FILIP1L: variants seen among roughly 807,000 people sequenced by gnomAD.
FILIP1L encodes the protein filamin A-interacting protein 1-like.
A neutral mutation model predicts 96.6 loss-of-function variants in FILIP1L; 55 were observed. That is an observed-to-expected ratio of 0.57 (90% CI 0.46 to 0.71). The LOEUF (loss-of-function observed/expected upper bound fraction) is 0.71. FILIP1L is among the 30% of genes least tolerant of loss of function. The pLI is 0.00. For missense variants in FILIP1L, 1,304 were observed against 1,321.2 expected (o/e 0.99, Z 0.20); for synonymous variants, 467 against 473.9 (o/e 0.99, Z 0.19).
chr3:100,006,914 GATAAA>G (rs1208971158), intron 1 of FILIP1L, among the ~76,000 whole-genome samples: 2 of 152,166 alleles, frequency 1.3e-5, no homozygotes, highest in Admixed American at 1.3e-4. Flanking sequence ...CATTGAGAAG[GATAAA>G]AAATAACTTG....
At chr3:99,973,604 A>C (rs376404602) in intron 1 of FILIP1L, among the ~76,000 whole-genome samples, 6 of 152,216 alleles carry the variant, frequency 3.9e-5, no homozygotes, top group East Asian at 1.9e-4. Flanking sequence ...ATCTTATAGA[A>C]TTTATACTCA....
chr3:99,899,534 G>C (rs1576557732), intron 4 of FILIP1L, among the ~76,000 whole-genome samples: 1 of 152,288 alleles, frequency 6.6e-6, no homozygotes, highest in Admixed American at 6.5e-5. Flanking sequence ...AGATCTAAAT[G>C]GTAGCTGTTG....
At chr3:99,969,026 T>C (rs1224281655) in intron 1 of FILIP1L, among the ~76,000 whole-genome samples, 1 of 151,656 alleles carries the variant, frequency 6.6e-6, no homozygotes, top group Non-Finnish European at 1.5e-5. Context: ...GAGGAAAGAG[T>C]AAATAGGCAC....
At chr3:100,078,853 T>C (rs1178823458) in intron 1 of FILIP1L, among the ~76,000 whole-genome samples, 3 of 151,960 alleles carry the variant, frequency 2.0e-5, no homozygotes, top group African/African-American at 7.3e-5. Context: ...ATCACACCAC[T>C]GCACTCCAGC....
At chr3:99,887,719 C>T (rs1313346510) in intron 4 of FILIP1L, among the ~76,000 whole-genome samples, 1 of 152,122 alleles carries the variant, frequency 6.6e-6, no homozygotes, top group East Asian at 1.9e-4. Context: ...CCCAGATATA[C>T]ATATAATATA....
intron 1 of FILIP1L, among the ~76,000 whole-genome samples, chr3:100,104,655 T>C (rs1158145166): frequency 6.6e-6 from 1 of 152,162 alleles, no homozygotes; most frequent in African/African-American, 2.4e-5. Context: ...GAGGGCCTTT[T>C]CCTGTTTTGC....
chr3:99,856,077 C>A (rs1003258139), intron 4 of FILIP1L, among the ~76,000 whole-genome samples: 2 of 152,058 alleles, frequency 1.3e-5, no homozygotes, highest in Non-Finnish European at 2.9e-5. Flanking sequence ...TGGTTCTGAA[C>A]CTGTTGCTGC....
chr3:100,021,200 T>C (rs903340589), intron 1 of FILIP1L, among the ~76,000 whole-genome samples: 2 of 152,212 alleles, frequency 1.3e-5, no homozygotes, highest in African/African-American at 4.8e-5. Context: ...GTCACTGCTT[T>C]TCCAGGCATG....
chr3:100,014,891 C>CTTTTTTTTTTTTTTT (rs1710284139), intron 1 of FILIP1L, among the ~76,000 whole-genome samples: 1 of 27,226 alleles, frequency 3.7e-5, no homozygotes, highest in Non-Finnish European at 6.9e-5. Context: ...TTTTTTCTTT[C>CTTTTTTTTTTTTTTT]TTTCTTTTTT....
At chr3:100,013,781 G>T (rs1046900043) in intron 1 of FILIP1L, among the ~76,000 whole-genome samples, 2 of 152,106 alleles carry the variant, frequency 1.3e-5, no homozygotes, top group African/African-American at 4.8e-5. Flanking sequence ...ATTAAATCCA[G>T]CTAATCAACA....
chr3:99,849,829 G>T lies in FILIP1L; in HGVS notation c.1847C>A (p.Thr616Lys). Residue 616 changes from threonine (T) to lysine (K), a missense_variant, in exon 5 of 6, where the codon ACA (threonine) becomes AAA (lysine). Transcript: ENST00000477258. ...KLNQDSGKST[T>K]ALHQENNKIK... Reference sequence around the variant, plus strand: ...CTTATTGTTTTCTTGGTGTAATGCTGTTGTGGATTTCCCAGAGTCTTGATT... The same window carrying T: ...CTTATTGTTTTCTTGGTGTAATGCTTTTGTGGATTTCCCAGAGTCTTGATT... 6.2e-7 allele frequency: 1 copy of T among 1,611,222 alleles called. No homozygotes were observed. Among genetic ancestry groups the T allele is most frequent in the Non-Finnish European group, 8.5e-7 (1 of 1,179,528 alleles).
rs9825784 is a variant in FILIP1L, at chr3:99,844,727, C to A, written c.3381+3568G>T. Among the ~76,000 whole-genome samples the A allele has an allele frequency of 3.2e-3, 483 of 152,300 alleles. 2 individuals are homozygous for A. The highest frequency in any genetic ancestry group is 0.011 in the African/African-American group (450 of 41,552). On this transcript the variant is annotated intron_variant, in intron 5 of 5. Coordinates refer to ENST00000477258, the MANE Select transcript of FILIP1L (RefSeq NM_001387850.1). ...TATGTGGTTTAGCTCTGTGTCCTCA[C>A]CCAAATCTCCTAACTGAAATCCCCG...
intron 1 of FILIP1L, among the ~76,000 whole-genome samples, chr3:100,028,711 T>A (rs902032426): frequency 1.3e-5 from 2 of 152,210 alleles, no homozygotes. Flanking sequence ...ATTTATCCAG[T>A]TAGAAAATAA....
At chr3:100,031,510 A>G (rs1387176995) in intron 1 of FILIP1L, among the ~76,000 whole-genome samples, 3 of 152,136 alleles carry the variant, frequency 2.0e-5, no homozygotes, top group East Asian at 3.9e-4. Context: ...TCAGAGCGCA[A>G]CAAGGAAGAA....
intron 1 of FILIP1L, among the ~76,000 whole-genome samples, chr3:100,019,932 G>A (rs2064777344): frequency 6.6e-6 from 1 of 152,050 alleles, no homozygotes; most frequent in African/African-American, 2.4e-5. Flanking sequence ...GAGATTGAGG[G>A]CAGGGGGGAA....
At chr3:99,846,575 G>T (rs1246548196) in intron 5 of FILIP1L, among the ~76,000 whole-genome samples, 1 of 152,148 alleles carries the variant, frequency 6.6e-6, no homozygotes, top group African/African-American at 2.4e-5. Context: ...TAAGATAAAT[G>T]TGTTTAAACA....
intron 1 of FILIP1L, among the ~76,000 whole-genome samples, chr3:99,958,028 T>C (rs138376206): frequency 0.018 from 2,772 of 149,886 alleles, 45 homozygotes; most frequent in Non-Finnish European, 0.03. Context: ...TATGTTTATA[T>C]AAAGGCTCAA....
intron 4 of FILIP1L, among the ~76,000 whole-genome samples, chr3:99,917,841 T>C (rs1468559670): frequency 6.6e-6 from 1 of 152,194 alleles, no homozygotes; most frequent in African/African-American, 2.4e-5. Flanking sequence ...CCTCTTTTGG[T>C]AGTGGAGTTA....
chr3:100,100,780 G>T (rs999226663), intron 1 of FILIP1L, among the ~76,000 whole-genome samples: 1 of 148,628 alleles, frequency 6.7e-6, no homozygotes, highest in Admixed American at 6.6e-5. Flanking sequence ...ACCTCGCAAG[G>T]TTAGTATCGC....
Sources: allele counts gnomAD v4.1 joint callset (sites outside exome capture counted in the v4.1 genomes callset), GRCh38; gene constraint gnomAD v4.1.1; transcripts MANE v1.5; gene names NCBI Gene and HGNC (gene_info 2026-07-23, HGNC 2026-07-21).